GPATCH2: variants seen among roughly 807,000 people sequenced by gnomAD.
The protein encoded by GPATCH2 is G-patch domain containing 2.
A neutral mutation model predicts 58.0 loss-of-function variants in GPATCH2; 51 were observed. That is an observed-to-expected ratio of 0.88 (90% CI 0.70 to 1.11). The LOEUF is 1.11. Ranked by LOEUF, GPATCH2 falls within the 50% of genes most tolerant of loss-of-function variation. GPATCH2 has a pLI of 0.00. For synonymous variants in GPATCH2, 222 were observed against 218.5 expected, an observed-to-expected ratio of 1.02 and a Z score of -0.14; for missense variants, 625 against 652.2, an observed-to-expected ratio of 0.96 and a Z score of 0.45.
chr1:217,486,618 C>T (rs1386482033), intron 8 of GPATCH2, among the ~76,000 whole-genome samples: 1 of 152,174 alleles, frequency 6.6e-6, no homozygotes, highest in Non-Finnish European at 1.5e-5. Flanking sequence ...CAGGTGTGAG[C>T]TACTCTGCCT....
chr1:217,609,596 T>C, intron 5 of GPATCH2: 5 of 984,202 alleles, frequency 5.1e-6, no homozygotes, highest in Middle Eastern at 5.2e-4. Flanking sequence ...AAATACAAAC[T>C]CCAGCAAAGA....
intron 9 of GPATCH2, among the ~76,000 whole-genome samples, chr1:217,438,474 C>A (rs932618785): frequency 6.6e-6 from 1 of 151,826 alleles, no homozygotes; most frequent in Admixed American, 6.6e-5. Context: ...AGAAAGCTAA[C>A]CACCTTGAAA....
chr1:217,591,159 C>T (rs1571976013), intron 5 of GPATCH2, among the ~76,000 whole-genome samples: 1 of 151,940 alleles, frequency 6.6e-6, no homozygotes. Context: ...GGGAGAATAG[C>T]TAGGCTATGT....
At chr1:217,441,552 G>A (rs1045821891) in intron 9 of GPATCH2, among the ~76,000 whole-genome samples, 1 of 152,152 alleles carries the variant, frequency 6.6e-6, no homozygotes, top group African/African-American at 2.4e-5. Context: ...TATCATCAGA[G>A]TGAACAGGCA....
chr1:217,429,424 GCTTT>G lies in GPATCH2; in HGVS notation c.*1717_*1720del, dbSNP rs1658437049. 1 of 152,128 alleles carries G rather than the reference GCTTT, an allele frequency of 6.6e-6. No homozygotes were observed. 9.4% of individuals were successfully genotyped at this position (152,128 alleles called of 1,614,324 possible). A position where few individuals can be genotyped will look rare whatever the true frequency, so the allele number is the denominator to read the frequency against. ...AATGTACATTTGGCAAACCGTGAAG[GCTTT>G]CAAATAGCAGGTTGGACTTCCCCTC... On this transcript the variant is annotated 3_prime_UTR_variant, in exon 10 of 10. Coordinates refer to ENST00000366935, the MANE Select transcript of GPATCH2 (RefSeq NM_018040.5).
At chr1:217,510,940 C>A (rs1018267564) in intron 6 of GPATCH2, among the ~76,000 whole-genome samples, 1 of 151,158 alleles carries the variant, frequency 6.6e-6, no homozygotes, top group Non-Finnish European at 1.5e-5. Context: ...TAAAAAAATA[C>A]AAAAAAAATT....
intron 5 of GPATCH2, among the ~76,000 whole-genome samples, chr1:217,567,418 A>G (rs1459130019): frequency 2.0e-5 from 3 of 152,228 alleles, no homozygotes; most frequent in Non-Finnish European, 4.4e-5. Context: ...CATGATTAGC[A>G]TTACCATTAA....
chr1:217,499,285 G>A (rs906798437), intron 6 of GPATCH2, among the ~76,000 whole-genome samples: 2 of 152,106 alleles, frequency 1.3e-5, no homozygotes, highest in African/African-American at 2.4e-5. Flanking sequence ...TACTAAGCAC[G>A]TGACATGTTT....
At chr1:217,558,453 T>C (rs1278711594) in intron 5 of GPATCH2, among the ~76,000 whole-genome samples, 1 of 152,180 alleles carries the variant, frequency 6.6e-6, no homozygotes, top group African/African-American at 2.4e-5. Flanking sequence ...TAATAAAGTG[T>C]CTCACAAAGC....
chr1:217,488,901 C>T (rs1661584052), intron 8 of GPATCH2, among the ~76,000 whole-genome samples: 1 of 151,452 alleles, frequency 6.6e-6, no homozygotes, highest in Admixed American at 6.6e-5. Context: ...TGCATGTTGC[C>T]CATGGTGGTC....
intron 5 of GPATCH2, among the ~76,000 whole-genome samples, chr1:217,545,563 T>A (rs746803073): frequency 6.6e-6 from 1 of 152,230 alleles, no homozygotes; most frequent in Non-Finnish European, 1.5e-5. Flanking sequence ...CTTCATTGAA[T>A]GTCTAAACAC....
chr1:217,568,413 G>A (rs1320073371), intron 5 of GPATCH2, among the ~76,000 whole-genome samples: 1 of 152,110 alleles, frequency 6.6e-6, no homozygotes, highest in African/African-American at 2.4e-5. Context: ...TGCTTTCACG[G>A]AGCCTATATT....
At chr1:217,551,378 C>G (rs948910534) in intron 5 of GPATCH2, among the ~76,000 whole-genome samples, 6 of 152,152 alleles carry the variant, frequency 3.9e-5, no homozygotes, top group Admixed American at 3.9e-4. Context: ...TGGGAACTTG[C>G]TAGAAATGCA....
chr1:217,433,897 G>C (rs1242831762), intron 9 of GPATCH2, among the ~76,000 whole-genome samples: 3 of 152,170 alleles, frequency 2.0e-5, no homozygotes, highest in African/African-American at 7.2e-5. Context: ...TGCTAGACAT[G>C]AGTTTTAATA....
At chr1:217,445,272 A>G (rs993040112) in intron 9 of GPATCH2, among the ~76,000 whole-genome samples, 5 of 152,132 alleles carry the variant, frequency 3.3e-5, no homozygotes, top group Non-Finnish European at 5.9e-5. Flanking sequence ...AATTGTGGAT[A>G]ACATTGAATT....
chr1:217,443,259 G>A lies in GPATCH2; in HGVS notation c.1366+5990C>T, dbSNP rs538781670. On this transcript the variant is annotated intron_variant, in intron 9 of 9. Transcript: ENST00000366935. The stretch of plus-strand genomic sequence containing the variant: ...ATTTAGTAGTGGTCAGTCTTTATCC[G>A]AAATGACTTTATTTCATCCTCACTC... Among the ~76,000 whole-genome samples, 7 of 152,144 alleles carry A rather than the reference G, an allele frequency of 4.6e-5. No individual in the cohort carries two copies. The South Asian group carries it at 6.2e-4, about 14-fold the overall frequency.
At chr1:217,605,364 T>G (rs537162972) in intron 5 of GPATCH2, among the ~76,000 whole-genome samples, 2 of 152,340 alleles carry the variant, frequency 1.3e-5, no homozygotes, top group South Asian at 4.1e-4. Flanking sequence ...TGTTCACATT[T>G]TTTTCAGATT....
chr1:217,531,873 A>G (rs547675514), intron 5 of GPATCH2, among the ~76,000 whole-genome samples: 8 of 152,368 alleles, frequency 5.3e-5, no homozygotes, highest in African/African-American at 1.9e-4. Flanking sequence ...ACCATTCTAG[A>G]AGCTACCTAC....
At chr1:217,453,800 A>G (rs969796927) in intron 8 of GPATCH2, among the ~76,000 whole-genome samples, 1 of 152,208 alleles carries the variant, frequency 6.6e-6, no homozygotes, top group African/African-American at 2.4e-5. Context: ...AGTAAAGAGA[A>G]GACAAGAGGA....
Sources: gnomAD v4.1 joint callset for allele counts (sites outside exome capture counted in the v4.1 genomes callset) on GRCh38, gnomAD v4.1.1 for gene constraint, MANE v1.5 for transcripts, NCBI Gene and HGNC (gene_info 2026-07-23, HGNC 2026-07-21) for gene names.